NFIB: variants seen among roughly 807,000 people sequenced by gnomAD.
NFIB encodes nuclear factor I B.
A neutral mutation model predicts 61.5 loss-of-function variants in NFIB; 11 were observed. That is an observed-to-expected ratio of 0.18 (90% CI 0.11 to 0.30). The LOEUF (loss-of-function observed/expected upper bound fraction) is 0.30, where lower values mean the gene tolerates loss of function less well. Ranked by LOEUF, NFIB falls within the 10% of genes least tolerant of loss-of-function variation. NFIB has a pLI of 1.00. For missense variants in NFIB, 471 were observed against 608.9 expected, an observed-to-expected ratio of 0.77 and a Z score of 2.38; for synonymous variants, 260 against 216.5, an observed-to-expected ratio of 1.20 and a Z score of -1.76.
intron 1 of NFIB, among the ~76,000 whole-genome samples, chr9:14,396,913 A>C (rs905077905): frequency 6.6e-6 from 1 of 152,176 alleles, no homozygotes; most frequent in African/African-American, 2.4e-5. Flanking sequence ...GAATGTGGGG[A>C]TGCAGATGGA....
chr9:14,168,943 C>G (rs901765653), intron 3 of NFIB, among the ~76,000 whole-genome samples: 38 of 152,134 alleles, frequency 2.5e-4, no homozygotes, highest in African/African-American at 8.9e-4. Context: ...TTCATGTGGG[C>G]TATTTTTGGA....
the NFIB span, among the ~76,000 whole-genome samples, chr9:14,453,480 C>G: frequency 6.6e-6 from 1 of 152,152 alleles, no homozygotes; most frequent in Admixed American, 6.5e-5. Context: ...TTGAATGAAG[C>G]CAACTCATTT....
At chr9:14,448,426 T>C in the NFIB span, among the ~76,000 whole-genome samples, 4 of 152,214 alleles carry the variant, frequency 2.6e-5, no homozygotes, top group African/African-American at 9.6e-5. Context: ...GATTTAACTA[T>C]TTATATATTC....
intron 1 of NFIB, among the ~76,000 whole-genome samples, chr9:14,395,058 A>G (rs1329871617): frequency 6.6e-6 from 1 of 152,052 alleles, no homozygotes; most frequent in East Asian, 1.9e-4. Flanking sequence ...CTCTTTATCT[A>G]TTTAGTCAAG....
chr9:14,275,563 T>C (rs1211845227), intron 2 of NFIB, among the ~76,000 whole-genome samples: 1 of 152,162 alleles, frequency 6.6e-6, no homozygotes, highest in Non-Finnish European at 1.5e-5. Flanking sequence ...AAGAATGATA[T>C]CTGTGTATAT....
intron 1 of NFIB, among the ~76,000 whole-genome samples, chr9:14,322,816 G>A (rs1038535277): frequency 6.6e-6 from 1 of 151,958 alleles, no homozygotes; most frequent in Admixed American, 6.5e-5. Context: ...TGGGGCTCTG[G>A]TCTTTGTGCG....
At chr9:14,192,290 G>C (rs1000239038) in intron 2 of NFIB, among the ~76,000 whole-genome samples, 3 of 152,148 alleles carry the variant, frequency 2.0e-5, no homozygotes, top group African/African-American at 7.2e-5. Context: ...TAAATTTTCA[G>C]ATAGGATTTA....
chr9:14,515,502 G>A, the NFIB span, among the ~76,000 whole-genome samples: 2 of 152,112 alleles, frequency 1.3e-5, no homozygotes, highest in East Asian at 1.9e-4. Flanking sequence ...CTCTAGCCAG[G>A]TGTTTCTCTA....
the NFIB span, among the ~76,000 whole-genome samples, chr9:14,469,595 G>A: frequency 6.6e-6 from 1 of 152,174 alleles, no homozygotes; most frequent in Admixed American, 6.5e-5. Flanking sequence ...TGCCTGATAC[G>A]AATTGGTTGG....
the NFIB span, among the ~76,000 whole-genome samples, chr9:14,430,420 A>G: frequency 6.6e-6 from 1 of 152,204 alleles, no homozygotes; most frequent in Admixed American, 6.5e-5. Flanking sequence ...TAATTTGAAT[A>G]AACGGATCCA....
intron 1 of NFIB, among the ~76,000 whole-genome samples, chr9:14,395,211 T>G (rs2061670068): frequency 6.6e-6 from 1 of 151,226 alleles, no homozygotes; most frequent in Non-Finnish European, 1.5e-5. Flanking sequence ...CCATCGCTGC[T>G]CAGAACAGGA....
intron 1 of NFIB, among the ~76,000 whole-genome samples, chr9:14,391,598 G>A (rs2061623397): frequency 3.3e-5 from 5 of 152,076 alleles, no homozygotes. Context: ...CCATGGACTG[G>A]TAAGGGAAAA....
chr9:14,415,664 GA>G, the NFIB span, among the ~76,000 whole-genome samples: 2 of 152,242 alleles, frequency 1.3e-5, no homozygotes, highest in African/African-American at 4.8e-5. Flanking sequence ...TAGGGAAGAT[GA>G]AGGGAAGTAG....
At chr9:14,149,454 A>T (rs1217412552) in intron 5 of NFIB, among the ~76,000 whole-genome samples, 1 of 151,724 alleles carries the variant, frequency 6.6e-6, no homozygotes, top group African/African-American at 2.4e-5. Context: ...TAGCTCAAAT[A>T]AAAAAAAATT....
chr9:14,269,970 A>G (rs2057483115), intron 2 of NFIB, among the ~76,000 whole-genome samples: 3 of 152,310 alleles, frequency 2.0e-5, no homozygotes, highest in African/African-American at 4.8e-5. Context: ...TTTACATTAT[A>G]TATTTTGGAA....
the NFIB span, among the ~76,000 whole-genome samples, chr9:14,423,788 CCATGCAGGG>C: frequency 1.3e-5 from 2 of 152,224 alleles, no homozygotes; most frequent in Non-Finnish European, 1.5e-5. Context: ...CTTGTTCCTG[CCATGCAGGG>C]AATATTTGCA....
At chr9:14,398,875 A>T (rs2061714497) in exon 1 of NFIB, 1 of 409,268 alleles carries the variant, frequency 2.4e-6, no homozygotes, top group African/African-American at 2.1e-5. Flanking sequence ...CTCCACTAAC[A>T]GTCTTGCTCC....
intron 2 of NFIB, among the ~76,000 whole-genome samples, chr9:14,255,285 C>T (rs2056111779): frequency 6.6e-6 from 1 of 152,152 alleles, no homozygotes; most frequent in Non-Finnish European, 1.5e-5. Context: ...AACACTTGGA[C>T]ATTTTTTGAT....
chr9:14,499,502 A>G, the NFIB span, among the ~76,000 whole-genome samples: 29 of 152,310 alleles, frequency 1.9e-4, no homozygotes, highest in Middle Eastern at 0.01. Context: ...TCAACTCTCA[A>G]TGAATACTGA....
Sources: allele counts gnomAD v4.1 joint callset (sites outside exome capture counted in the v4.1 genomes callset), GRCh38; gene constraint gnomAD v4.1.1; transcripts MANE v1.5; gene names NCBI Gene and HGNC (gene_info 2026-07-23, HGNC 2026-07-21).